The following PDE4A variants were observed in gnomAD, a reference collection of about 807,000 sequenced individuals.
PDE4A encodes the protein phosphodiesterase 4A, also known as 3',5'-cyclic-AMP phosphodiesterase 4A.
PDE4A carries 21 observed loss-of-function variants against 73.9 expected under a neutral mutation model. The observed-to-expected ratio is 0.28, with a 90% CI of 0.20 to 0.41. PDE4A has a LOEUF of 0.41. Among genes scored for constraint, PDE4A ranks in the 10% least tolerant of loss-of-function variants. The pLI is 1.00. For missense variants in PDE4A, 958 were observed against 1,211.4 expected, an observed-to-expected ratio of 0.79 and a Z score of 3.10; for synonymous variants, 463 against 505.4, an observed-to-expected ratio of 0.92 and a Z score of 1.13.
chr19:10,421,720 A>G (rs1363055554), intron 1 of PDE4A, among the ~76,000 whole-genome samples: 2 of 152,146 alleles, frequency 1.3e-5, no homozygotes, highest in African/African-American at 4.8e-5. Context: ...GTTCAGAGGC[A>G]GGAAACAGTG....
Position 10,421,080 on chromosome 19 carries a change from A to C in PDE4A, c.316A>C (p.Arg106=). 1 of 1,378,532 alleles carries C rather than the reference A, an allele frequency of 7.3e-7. No homozygotes were observed. Among genetic ancestry groups the C allele is most frequent in the Non-Finnish European group, 9.3e-7 (1 of 1,075,722 alleles). 85.4% of individuals were successfully genotyped at this position (1,378,532 alleles called of 1,614,324 possible). The change falls in exon 1 of 15, where the codon AGG becomes CGG. Residue 106 remains arginine, a synonymous_variant. Transcript: ENST00000380702. ...GSGGAGGGSS[R]RFEAENGPTP... ...CGGCGGCGCGGGCGGAGGCAGCAGC[A>C]GGCGGTAAGACTCCCCGCGGCGGAT...
In PDE4A at chr19:10,420,970, A is replaced by G. The variant is rs1235189471; in HGVS notation, c.206A>G (p.Asp69Gly). ...RQPHRPIERADAMDTSDRPGL... is the reference protein window; with the variant it reads ...RQPHRPIERAGAMDTSDRPGL... ...CCGCACCGGCCCATAGAGCGCGCCG[A>G]TGCCATGGACACCAGCGACCGGCCC... is the stretch of plus-strand genomic sequence containing the variant. Residue 69 changes from aspartate to glycine, a missense_variant, in exon 1 of 15, where the codon GAT becomes GGT. Physicochemically the swap from Asp to Gly is moderately conservative, Grantham distance 94. Around this residue, in one of 3 missense-constraint regions of PDE4A, gnomAD observed 145 missense variants for 137.8 expected, o/e 1.05. Transcript: ENST00000380702. This position sits in a 1 kb window ranked among gnomAD's most constrained non-coding sequence, Gnocchi z 6.0. The G allele has an allele frequency of 3.9e-6, 6 of 1,553,510 alleles. No homozygotes were observed. Among genetic ancestry groups the G allele is most frequent in the Non-Finnish European group, 5.2e-6 (6 of 1,158,880 alleles).
chr19:10,463,107 T>C (rs2043302093), intron 13 of PDE4A, among the ~76,000 whole-genome samples: 1 of 151,816 alleles, frequency 6.6e-6, no homozygotes, highest in South Asian at 2.1e-4. Flanking sequence ...TTTTGGTTTT[T>C]TTTTTTTGAG....
chr19:10,462,046 C>T (rs2043282262), intron 13 of PDE4A, 47 bp downstream of exon 13: 2 of 1,536,046 alleles, frequency 1.3e-6, no homozygotes, highest in East Asian at 2.3e-5. Flanking sequence ...CTCCCCCAGC[C>T]ACACCTTTAG....
At chr19:10,420,479 G>A (rs1568362181), upstream of PDE4A, 2 of 845,454 alleles carry the variant, frequency 2.4e-6, no homozygotes, top group East Asian at 1.2e-4. This position sits in a 1 kb window ranked among gnomAD's most constrained non-coding sequence, Gnocchi z 6.0. Context: ...GGCGGGACGG[G>A]GCGGAGGAGC....
Position 10,467,496 on chromosome 19 carries a change from G to T in PDE4A, c.2536G>T (p.Val846Leu). ...GGGCCTCCCCTCCACGGCGGCCGAG[G>T]TGGAGGCCCAACGAGAGCACCAGGC... ...LPGLPSTAAE[V>L]EAQREHQAAK... Residue 846 changes from valine (V) to leucine (L), a missense_variant, in exon 15 of 15, where the codon GTG (valine) becomes TTG (leucine). This residue lies in a region of PDE4A where 243 missense variants were observed against 245.9 expected (regional missense o/e 0.99). Coordinates refer to ENST00000380702, the MANE Select transcript of PDE4A (RefSeq NM_001111307.2). 1 of 1,612,942 alleles carries T rather than the reference G, an allele frequency of 6.2e-7. No homozygotes were observed. The highest frequency in any genetic ancestry group is 8.5e-7 in the Non-Finnish European group (1 of 1,179,844).
intron 1 of PDE4A, among the ~76,000 whole-genome samples, chr19:10,441,831 A>G (rs2042943038): frequency 6.6e-6 from 1 of 151,238 alleles, no homozygotes; most frequent in African/African-American, 2.4e-5. Context: ...CTGGGATTAC[A>G]GGCACCCACC....
chr19:10,419,047 A>G, upstream of PDE4A: 5 of 822,448 alleles, frequency 6.1e-6, no homozygotes, highest in Non-Finnish European at 7.2e-6. Flanking sequence ...GGGGTTGAAG[A>G]CCGGCAGTCT....
At position 10,457,987 on chromosome 19, in the gene PDE4A, T is replaced by C. The variant is rs1298363043; in HGVS notation, c.986T>C (p.Leu329Ser). Reference sequence around the variant, plus strand: ...CCGCCCCCGCCCCCTGTACCACACTTACAGCCCATGTCCCAAATCACAGGG... The same window carrying C: ...CCGCCCCCGCCCCCTGTACCACACTCACAGCCCATGTCCCAAATCACAGGG... ...SQPPPPPVPHLQPMSQITGLK... is the reference protein window; with the variant it reads ...SQPPPPPVPHSQPMSQITGLK... The change falls in exon 8 of 15, where the codon TTA becomes TCA. Residue 329 changes from leucine to serine, a missense_variant. Physicochemically the swap from Leu to Ser is moderately radical, Grantham distance 145. This residue lies in a region of PDE4A where 570 missense variants were observed against 827.7 expected (regional missense o/e 0.69). Coordinates refer to ENST00000380702, the MANE Select transcript of PDE4A (RefSeq NM_001111307.2). 2.5e-6 allele frequency: 4 copies of C among 1,613,736 alleles called. No homozygotes were observed. The highest frequency in any genetic ancestry group is 3.4e-6 in the Non-Finnish European group (4 of 1,179,794).
intron 1 of PDE4A, among the ~76,000 whole-genome samples, chr19:10,442,340 G>A (rs182524994): frequency 1.3e-5 from 2 of 152,020 alleles, no homozygotes; most frequent in South Asian, 2.1e-4. Flanking sequence ...CCTGGCCAAC[G>A]TGGTGAAACC....
At chr19:10,436,124 G>A (rs1338244554) in intron 1 of PDE4A, among the ~76,000 whole-genome samples, 3 of 152,108 alleles carry the variant, frequency 2.0e-5, no homozygotes, top group East Asian at 3.9e-4. Context: ...ATCCTAGGCC[G>A]GGGAGTTGGA....
chr19:10,436,942 G>T (rs1287872544), intron 1 of PDE4A, among the ~76,000 whole-genome samples: 1 of 152,118 alleles, frequency 6.6e-6, no homozygotes, highest in Admixed American at 6.6e-5. Context: ...GAGAGACTGA[G>T]TCAGGAGAAT....
At position 10,453,017 on chromosome 19, in the gene PDE4A, CG is replaced by C; in HGVS notation, c.784-1811del. 7.6e-7 allele frequency: 1 copy of C among 1,317,702 alleles called. No individual in the cohort carries two copies. Among genetic ancestry groups the C allele is most frequent in the Non-Finnish European group, 9.7e-7 (1 of 1,033,508 alleles). The allele number at this position is 1,317,702 out of a possible 1,614,324, so 81.6% of individuals were successfully genotyped here. A position where few individuals can be genotyped will look rare whatever the true frequency, so the allele number is the denominator to read the frequency against. Reference sequence around the variant, plus strand: ...CCTCCCATGGGCACGGACCCCCCACCGCCTCCACCCACTGCCGCGGGGGGGC... The same window carrying C: ...CCTCCCATGGGCACGGACCCCCCACCCCTCCACCCACTGCCGCGGGGGGGC... On this transcript the variant is annotated intron_variant, in intron 6 of 14. Coordinates refer to ENST00000380702, the MANE Select transcript of PDE4A (RefSeq NM_001111307.2). This position sits in a 1 kb window ranked among gnomAD's most constrained non-coding sequence, Gnocchi z 4.6.
At chr19:10,442,960 A>C (rs1333877467) in intron 1 of PDE4A, among the ~76,000 whole-genome samples, 1 of 151,776 alleles carries the variant, frequency 6.6e-6, no homozygotes, top group Non-Finnish European at 1.5e-5. Context: ...TGTGTATGTA[A>C]TATTAGTAAT....
chr19:10,432,538 A>G, intron 1 of PDE4A: 2 of 1,524,888 alleles, frequency 1.3e-6, no homozygotes, highest in Non-Finnish European at 1.8e-6. Flanking sequence ...AGCGATGAGG[A>G]CACCCGTCGG....
intron 2 of PDE4A, 137 bp from the exon 3 acceptor site, chr19:10,448,780 G>C (rs2043049002): frequency 6.7e-7 from 1 of 1,499,858 alleles, no homozygotes; most frequent in African/African-American, 1.4e-5. Context: ...CCCTTATGCA[G>C]TACAAGTGTT....
intron 4 of PDE4A, among the ~76,000 whole-genome samples, chr19:10,450,201 C>T (rs987509880): frequency 6.6e-6 from 1 of 152,176 alleles, no homozygotes; most frequent in Non-Finnish European, 1.5e-5. Flanking sequence ...TATTGCCCTG[C>T]GTACATAGGA....
At chr19:10,457,794 G>A (rs1459923768) in intron 7 of PDE4A, 85 bp from the exon 8 acceptor site, 18 of 1,563,530 alleles carry the variant, frequency 1.2e-5, no homozygotes, top group South Asian at 4.8e-5. Flanking sequence ...AGCCTTCCCC[G>A]TACGTGGTAG....
Position 10,463,865 on chromosome 19 carries a change from A to G in PDE4A, c.1816A>G (p.Thr606Ala). The G allele has an allele frequency of 6.2e-7, 1 of 1,614,150 alleles. No homozygotes were observed. The highest frequency in any genetic ancestry group is 8.5e-7 in the Non-Finnish European group (1 of 1,180,022). Residue 606 changes from threonine to alanine, a missense_variant, in exon 14 of 15, where the codon ACA (threonine) becomes GCA (alanine). Physicochemically the swap from Thr to Ala is moderately conservative, Grantham distance 58 (BLOSUM62 0). This residue lies in a region of PDE4A where 570 missense variants were observed against 827.7 expected (regional missense o/e 0.69). Coordinates refer to ENST00000380702, the MANE Select transcript of PDE4A (RefSeq NM_001111307.2). ...TKPLELYRQW[T>A]DRIMAEFFQQ... ...GCCGCTGGAGCTGTACCGCCAGTGG[A>G]CAGACCGCATCATGGCCGAGTTCTT...
Sources: allele counts gnomAD v4.1 joint callset (sites outside exome capture counted in the v4.1 genomes callset), GRCh38; gene constraint gnomAD v4.1.1; regional missense constraint gnomAD v4.1.1; non-coding constraint Gnocchi (gnomAD v3.1); transcripts MANE v1.5; gene names NCBI Gene and HGNC (gene_info 2026-07-23, HGNC 2026-07-21).